EIF3E: variants seen among roughly 807,000 people sequenced by gnomAD.
EIF3E encodes the protein eukaryotic translation initiation factor 3 subunit E.
A neutral mutation model predicts 59.3 loss-of-function variants in EIF3E; 25 were observed. The ratio of observed to expected loss-of-function variants is 0.42; its 90% confidence interval spans 0.31 to 0.59. The LOEUF (loss-of-function observed/expected upper bound fraction) is 0.59. Ranked by LOEUF, EIF3E falls within the 20% of genes least tolerant of loss-of-function variation. The pLI, the probability that EIF3E is intolerant of heterozygous loss-of-function variation, is 0.15. For missense variants in EIF3E, 317 were observed against 534.3 expected, an observed-to-expected ratio of 0.59 and a Z score of 4.01; for synonymous variants, 176 against 170.2, an observed-to-expected ratio of 1.03 and a Z score of -0.26.
intron 5 of EIF3E, chr8:108,234,551 T>A (rs886235509): frequency 7.2e-5 from 11 of 152,308 alleles, no homozygotes; most frequent in African/African-American, 2.7e-4. Flanking sequence ...GCATAAAATA[T>A]TTCACATACC....
chr8:108,247,044 C>T (rs1371893325), intron 1 of EIF3E, among the ~76,000 whole-genome samples: 1 of 152,082 alleles, frequency 6.6e-6, no homozygotes, highest in Non-Finnish European at 1.5e-5. Flanking sequence ...TTAGAAATTG[C>T]TAATTAAATA....
chr8:108,203,473 T>C lies in EIF3E; in HGVS notation c.1092A>G (p.Pro364=). 2 of 1,612,774 alleles carry C rather than the reference T, an allele frequency of 1.2e-6. No individual in the cohort carries two copies. The highest frequency in any genetic ancestry group is 1.7e-6 in the Non-Finnish European group (2 of 1,179,068). The change falls in exon 11 of 13, where the codon CCA becomes CCG. Residue 364 remains proline, a synonymous_variant. Coordinates refer to ENST00000220849, the MANE Select transcript of EIF3E (RefSeq NM_001568.3). ...TTACAATCCACCTTTCAGCTTCTTC[T>C]GGAGTCATGTTCAATTTATCTGCCA... ...NMLADKLNMT[P]EEAERWIVNL...
At chr8:108,240,237 C>T (rs1362001278) in intron 2 of EIF3E, 162 bp from the exon 3 acceptor site, 3 of 654,358 alleles carry the variant, frequency 4.6e-6, no homozygotes, top group Middle Eastern at 4.0e-4. Context: ...GAAATGTCCC[C>T]GATCCCTAAT....
chr8:108,208,177 C>T lies in EIF3E; in HGVS notation c.1062-4674G>A, dbSNP rs528307792. On this transcript the variant is annotated intron_variant, in intron 10 of 12. Coordinates refer to ENST00000220849, the MANE Select transcript of EIF3E (RefSeq NM_001568.3). ...TAACAAACACTTGGAAAAATAAGGCCTGGGGATCTGATATTTCACCTGTCT... is the reference window on the plus strand; with the variant it reads ...TAACAAACACTTGGAAAAATAAGGCTTGGGGATCTGATATTTCACCTGTCT... Among the ~76,000 whole-genome samples, 15 of 152,164 alleles carry T rather than the reference C, an allele frequency of 9.9e-5. No individual in the cohort carries two copies. The South Asian group carries it at 3.1e-3, about 32-fold the overall frequency.
chr8:108,205,356 T>C (rs186495503), intron 10 of EIF3E, among the ~76,000 whole-genome samples: 23 of 152,318 alleles, frequency 1.5e-4, no homozygotes, highest in Admixed American at 1.2e-3. Flanking sequence ...TACTGTCTGA[T>C]TGATTCTTAT....
intron 6 of EIF3E, 104 bp from the exon 7 acceptor site, chr8:108,228,495 T>G: frequency 1.1e-6 from 1 of 913,134 alleles, no homozygotes; most frequent in Non-Finnish European, 1.5e-6. Context: ...ATGAGCCCCT[T>G]CTAAGGCATG....
At chr8:108,240,632 G>A (rs988766557) in intron 2 of EIF3E, among the ~76,000 whole-genome samples, 1 of 152,136 alleles carries the variant, frequency 6.6e-6, no homozygotes, top group African/African-American at 2.4e-5. Context: ...ACTATGAAAA[G>A]GTGGAGAAAA....
At chr8:108,246,146 G>A (rs139900710) in intron 1 of EIF3E, among the ~76,000 whole-genome samples, 1 of 152,228 alleles carries the variant, frequency 6.6e-6, no homozygotes, top group East Asian at 1.9e-4. Context: ...AAGCAAGAGA[G>A]CGAGACAGAT....
intron 7 of EIF3E, chr8:108,227,123 G>C (rs960179120): frequency 1.3e-5 from 2 of 152,160 alleles, no homozygotes; most frequent in Non-Finnish European, 2.9e-5. Context: ...TCAGGAGTTT[G>C]AGACCAGCCT....
intron 6 of EIF3E, 76 bp from the exon 7 acceptor site, chr8:108,228,467 T>G (rs752536890): frequency 3.5e-6 from 4 of 1,150,170 alleles, no homozygotes; most frequent in Non-Finnish European, 3.4e-6. Flanking sequence ...ATCACTAACT[T>G]CAAAACTGTA....
At chr8:108,204,746 T>G (rs559808241) in intron 10 of EIF3E, among the ~76,000 whole-genome samples, 1,784 of 113,674 alleles carry the variant, frequency 0.016, 41 homozygotes, top group East Asian at 0.044. Context: ...TATATATATA[T>G]AGAGAGAGAG....
chr8:108,236,137 TTAAAA>T lies in EIF3E; in HGVS notation c.366+19_366+23del. On this transcript the variant is annotated intron_variant, in intron 4 of 12. Coordinates refer to ENST00000220849, the MANE Select transcript of EIF3E (RefSeq NM_001568.3). ...TCAGCATTATTAAAACATGACAACTTTAAAATATTTTTAAAACACTTACACCATGC... is the reference window on the plus strand; with the variant it reads ...TCAGCATTATTAAAACATGACAACTTTATTTTTAAAACACTTACACCATGC... 6.2e-7 allele frequency: 1 copy of T among 1,600,436 alleles called. No individual in the cohort carries two copies. Among genetic ancestry groups the T allele is most frequent in the Non-Finnish European group, 8.5e-7 (1 of 1,173,388 alleles).
intron 3 of EIF3E, among the ~76,000 whole-genome samples, chr8:108,239,691 G>C (rs778498806): frequency 6.6e-6 from 1 of 152,126 alleles, no homozygotes; most frequent in African/African-American, 2.4e-5. Flanking sequence ...CCCCAGGAAG[G>C]GGGAAACAGG....
chr8:108,248,025 T>TG (rs371217842), intron 1 of EIF3E, among the ~76,000 whole-genome samples: 4,040 of 26,160 alleles, frequency 0.15, 87 homozygotes, highest in East Asian at 0.47. Flanking sequence ...GGATTTTTTC[T>TG]GGGGGGGGGG....
chr8:108,208,087 T>C (rs1464322483), intron 10 of EIF3E, among the ~76,000 whole-genome samples: 1 of 152,148 alleles, frequency 6.6e-6, no homozygotes, highest in Non-Finnish European at 1.5e-5. Context: ...GAGTGCCTAA[T>C]CTTTCAAATG....
At chr8:108,243,459 C>G (rs1439832720) in intron 1 of EIF3E, 1 of 151,754 alleles carries the variant, frequency 6.6e-6, no homozygotes, top group Non-Finnish European at 1.5e-5. Context: ...GAAACCCTGT[C>G]TCTACTAAAA....
At chr8:108,209,021 T>C (rs975655065) in intron 10 of EIF3E, among the ~76,000 whole-genome samples, 1 of 152,156 alleles carries the variant, frequency 6.6e-6, no homozygotes, top group Non-Finnish European at 1.5e-5. Flanking sequence ...TATGCATTTT[T>C]ATAAAGCTGA....
chr8:108,216,973 T>C lies in EIF3E; in HGVS notation c.849+361A>G, dbSNP rs562729315. Among the ~76,000 whole-genome samples, 14 of 152,308 alleles carry C rather than the reference T, an allele frequency of 9.2e-5. No individual in the cohort carries two copies. The South Asian group carries it at 2.3e-3, about 25-fold the overall frequency. On this transcript the variant is annotated intron_variant, in intron 8 of 12. Coordinates refer to ENST00000220849, the MANE Select transcript of EIF3E (RefSeq NM_001568.3). Reference sequence around the variant, plus strand: ...AACCTTTTGCCCAACTTGGGGTCTATTGAAACGGTATTGTATATAAAGTTC... The same window carrying C: ...AACCTTTTGCCCAACTTGGGGTCTACTGAAACGGTATTGTATATAAAGTTC...
intron 5 of EIF3E, among the ~76,000 whole-genome samples, chr8:108,232,226 C>T (rs1439636374): frequency 6.6e-6 from 1 of 152,094 alleles, no homozygotes; most frequent in Admixed American, 6.6e-5. Flanking sequence ...GCACTGTTAG[C>T]CTGCCAATAT....
Sources: gnomAD v4.1 joint callset for allele counts (sites outside exome capture counted in the v4.1 genomes callset) on GRCh38, gnomAD v4.1.1 for gene constraint, MANE v1.5 for transcripts, NCBI Gene and HGNC (gene_info 2026-07-23, HGNC 2026-07-21) for gene names.